PSMC2: variants seen among roughly 807,000 people sequenced by gnomAD.
PSMC2 encodes the protein 26S proteasome regulatory subunit 7.
Under a neutral mutation model 53.3 loss-of-function variants are expected in PSMC2, and 7 were observed. That is an observed-to-expected ratio of 0.13 (90% CI 0.07 to 0.25). The LOEUF is 0.25. Ranked by LOEUF, PSMC2 falls within the 10% of genes least tolerant of loss-of-function variation. The pLI is 1.00. For synonymous variants in PSMC2, 169 were observed against 183.9 expected (o/e 0.92, Z 0.66); for missense variants, 241 against 544.0 (o/e 0.44, Z 5.54).
intron 4 of PSMC2, among the ~76,000 whole-genome samples, chr7:103,356,174 AACT>A (rs2116165564): frequency 1.3e-5 from 2 of 151,934 alleles, no homozygotes; most frequent in African/African-American, 4.8e-5. Flanking sequence ...TTTTAGATAT[AACT>A]ACATGTTTTG....
At chr7:103,363,861 A>T (rs1349736762) in intron 7 of PSMC2, among the ~76,000 whole-genome samples, 1 of 152,178 alleles carries the variant, frequency 6.6e-6, no homozygotes, top group African/African-American at 2.4e-5. Context: ...AATTTTTTTT[A>T]AATTAGGAAA....
At chr7:103,362,589 T>C (rs1464569792) in intron 5 of PSMC2, 97 bp from the exon 6 acceptor site, 3 of 1,459,918 alleles carry the variant, frequency 2.1e-6, no homozygotes, top group Non-Finnish European at 2.8e-6. Context: ...CTCTCTCTTG[T>C]TTTCTTAAAG....
intron 1 of PSMC2, among the ~76,000 whole-genome samples, chr7:103,351,958 T>G (rs1346622545): frequency 6.6e-6 from 1 of 152,020 alleles, no homozygotes; most frequent in African/African-American, 2.4e-5. Context: ...TAGGTTCTTA[T>G]GACTTCCGAG....
In PSMC2 at chr7:103,348,808, C is replaced by T. The variant is rs1017561910; in HGVS notation, c.70+1027C>T. On this transcript the variant is annotated intron_variant, in intron 1 of 11. Coordinates refer to ENST00000292644, the MANE Select transcript of PSMC2 (RefSeq NM_002803.4). ...TCAAAGGATTATCCAAGGCATCTAC[C>T]CAATGGAAAACCATGATAGTTCTTT... 1.2e-5 allele frequency: 9 copies of T among 757,036 alleles called. No individual in the cohort carries two copies. In the Admixed American group the frequency reaches 1.3e-4, roughly 11 times the overall value. The allele number at this position is 757,036 out of a possible 1,614,324, so 46.9% of individuals were successfully genotyped here.
intron 4 of PSMC2, among the ~76,000 whole-genome samples, chr7:103,359,263 T>G (rs747634336): frequency 2.7e-5 from 4 of 149,200 alleles, no homozygotes; most frequent in Non-Finnish European, 5.9e-5. Context: ...CTCCCAAAGT[T>G]CTGGGATTAC....
chr7:103,351,147 A>G (rs192001550), intron 1 of PSMC2, among the ~76,000 whole-genome samples: 124 of 152,320 alleles, frequency 8.1e-4, no homozygotes, highest in Non-Finnish European at 1.2e-3. Context: ...GCCTTTTAGA[A>G]TGCTGCATCA....
intron 9 of PSMC2, among the ~76,000 whole-genome samples, chr7:103,366,903 C>T (rs2116270792): frequency 6.6e-6 from 1 of 152,242 alleles, no homozygotes; most frequent in Middle Eastern, 3.4e-3. Flanking sequence ...CTCCTGGGTT[C>T]AAGCAATTCT....
intron 4 of PSMC2, among the ~76,000 whole-genome samples, chr7:103,357,408 A>G (rs907971137): frequency 6.6e-5 from 10 of 151,384 alleles, no homozygotes; most frequent in Non-Finnish European, 1.3e-4. Flanking sequence ...AATGACACTC[A>G]TTTTCACCTT....
intron 9 of PSMC2, 65 bp downstream of exon 9, chr7:103,366,228 T>G (rs2116265104): frequency 1.5e-6 from 2 of 1,368,956 alleles, no homozygotes; most frequent in East Asian, 2.3e-5. Flanking sequence ...AAGTGATATG[T>G]CGTGATATGT....
chr7:103,359,172 A>ATTTTTTTTTTTTTTTTTTTTT (rs1586155184), intron 4 of PSMC2, among the ~76,000 whole-genome samples: 3 of 58,386 alleles, frequency 5.1e-5, no homozygotes, highest in African/African-American at 6.7e-5. Flanking sequence ...TTTTTTTTTA[A>ATTTTTTTTTTTTTTTTTTTTT]TTTTTAGTAG....
Position 103,368,751 on chromosome 7 carries a change from A to G in PSMC2, c.*697A>G, listed in dbSNP as rs946924348. On this transcript the variant is annotated 3_prime_UTR_variant, in exon 12 of 12. Coordinates refer to ENST00000292644, the MANE Select transcript of PSMC2 (RefSeq NM_002803.4). ...CAGCCAGAAGTGAAAGACTAGTAAAAAAAGAAAAAAAAATATTTGTACATA... is the reference window on the plus strand; with the variant it reads ...CAGCCAGAAGTGAAAGACTAGTAAAGAAAGAAAAAAAAATATTTGTACATA... 6.6e-6 allele frequency: 1 copy of G among 152,120 alleles called. No homozygotes were observed. Among genetic ancestry groups the G allele is most frequent in the Admixed American group, 6.6e-5 (1 of 15,240 alleles). The allele number at this position is 152,120 out of a possible 1,614,324, so 9.4% of individuals were successfully genotyped here. A position where few individuals can be genotyped will look rare whatever the true frequency, so the allele number is the denominator to read the frequency against.
chr7:103,369,244 A>T lies in PSMC2; in HGVS notation c.*1190A>T, dbSNP rs1395010187. 1 of 152,222 alleles carries T rather than the reference A, an allele frequency of 6.6e-6. No individual in the cohort carries two copies. The highest frequency in any genetic ancestry group is 1.5e-5 in the Non-Finnish European group (1 of 68,036). The allele number at this position is 152,222 out of a possible 1,614,324, so 9.4% of individuals were successfully genotyped here. A position where few individuals can be genotyped will look rare whatever the true frequency, so the allele number is the denominator to read the frequency against. On this transcript the variant is annotated 3_prime_UTR_variant, in exon 12 of 12. Coordinates refer to ENST00000292644, the MANE Select transcript of PSMC2 (RefSeq NM_002803.4). ...TTTATGAACTTGATCAGAAAAATTC[A>T]TCTTTTTTAACCCTGCCCTAATTTT...
intron 8 of PSMC2, among the ~76,000 whole-genome samples, chr7:103,365,173 T>C (rs891926486): frequency 1.3e-5 from 2 of 151,900 alleles, no homozygotes; most frequent in African/African-American, 4.8e-5. Context: ...TTTACTCAAG[T>C]TTTACTAATT....
intron 9 of PSMC2, among the ~76,000 whole-genome samples, chr7:103,366,847 C>T (rs1820743478): frequency 6.6e-6 from 1 of 152,052 alleles, no homozygotes; most frequent in African/African-American, 2.4e-5. Flanking sequence ...CTCTGTTGCT[C>T]AGGTTGGAGT....
chr7:103,352,407 C>CTT (rs781095017), intron 1 of PSMC2, among the ~76,000 whole-genome samples: 77 of 118,684 alleles, frequency 6.5e-4, no homozygotes, highest in East Asian at 1.2e-3. Context: ...AGATTATAAT[C>CTT]TTTTTTTTTT....
At chr7:103,362,362 G>A (rs919672004) in intron 5 of PSMC2, 8 of 1,348,918 alleles carry the variant, frequency 5.9e-6, no homozygotes, top group African/African-American at 1.5e-5. Context: ...CATGGTATAG[G>A]TTGGGGGAGT....
intron 8 of PSMC2, among the ~76,000 whole-genome samples, chr7:103,364,508 T>TA (rs2116249131): frequency 6.6e-6 from 1 of 152,274 alleles, no homozygotes; most frequent in Non-Finnish European, 1.5e-5. Context: ...TCTCTGGGCT[T>TA]AGGCGATCCT....
chr7:103,348,354 TTA>T (rs1819650624), intron 1 of PSMC2, among the ~76,000 whole-genome samples: 1 of 152,214 alleles, frequency 6.6e-6, no homozygotes, highest in African/African-American at 2.4e-5. Context: ...GCAAGTGTGC[TTA>T]TCTATTCCTT....
chr7:103,364,427 G>T, intron 8 of PSMC2, 120 bp downstream of exon 8: 1 of 1,140,328 alleles, frequency 8.8e-7, no homozygotes, highest in Non-Finnish European at 1.2e-6. Context: ...TTCTTTTGTT[G>T]AGACAGAGTC....
Sources: gnomAD v4.1 joint callset for allele counts (sites outside exome capture counted in the v4.1 genomes callset) on GRCh38, gnomAD v4.1.1 for gene constraint, MANE v1.5 for transcripts, NCBI Gene and HGNC (gene_info 2026-07-23, HGNC 2026-07-21) for gene names.